Variants in PRKN observed in about 807,000 individuals in gnomAD.
The protein encoded by PRKN is E3 ubiquitin-protein ligase parkin.
In PRKN, 56 loss-of-function variants were observed where a neutral mutation model predicts 59.5. That is an observed-to-expected ratio of 0.94 (90% CI 0.76 to 1.18). The LOEUF (loss-of-function observed/expected upper bound fraction) is 1.18, where lower values mean the gene tolerates loss of function less well. PRKN is among the 50% of genes most tolerant of loss of function. The pLI is 0.00. For missense variants in PRKN, 657 were observed against 596.4 expected (o/e 1.10, Z -1.06); for synonymous variants, 250 against 222.1 (o/e 1.13, Z -1.12).
intron 3 of PRKN, among the ~76,000 whole-genome samples, chr6:162,261,488 T>A (rs1039434918): frequency 1.3e-5 from 2 of 152,202 alleles, no homozygotes; most frequent in Non-Finnish European, 2.9e-5. Context: ...GGTTGAAACG[T>A]CAGAATTGTT....
At chr6:161,803,843 TA>T (rs1218354733) in intron 6 of PRKN, among the ~76,000 whole-genome samples, 1 of 152,098 alleles carries the variant, frequency 6.6e-6, no homozygotes, top group African/African-American at 2.4e-5. Flanking sequence ...ATGCATTTCA[TA>T]AAGGAAGCAA....
intron 6 of PRKN, among the ~76,000 whole-genome samples, chr6:161,837,285 T>A (rs1464228020): frequency 6.6e-6 from 1 of 152,060 alleles, no homozygotes; most frequent in Admixed American, 6.5e-5. Flanking sequence ...CTGGGTTGAA[T>A]AAACATTGAA....
chr6:162,500,397 C>T (rs1410334298), intron 1 of PRKN, among the ~76,000 whole-genome samples: 3 of 141,030 alleles, frequency 2.1e-5, no homozygotes, highest in Admixed American at 7.2e-5. Flanking sequence ...GTCTTGAACT[C>T]CCGACCTCAG....
At chr6:162,354,384 C>G (rs986224950) in intron 2 of PRKN, among the ~76,000 whole-genome samples, 1 of 151,982 alleles carries the variant, frequency 6.6e-6, no homozygotes, top group African/African-American at 2.4e-5. Context: ...TCTTGATTAC[C>G]AATATTAAAA....
chr6:161,857,351 T>C (rs538209960), intron 6 of PRKN, among the ~76,000 whole-genome samples: 19 of 152,074 alleles, frequency 1.2e-4, no homozygotes, highest in African/African-American at 4.3e-4. Context: ...ATGAGTAGGG[T>C]TGCATTTCAA....
intron 1 of PRKN, among the ~76,000 whole-genome samples, chr6:162,688,209 T>C (rs1032732362): frequency 1.3e-5 from 2 of 152,184 alleles, no homozygotes; most frequent in African/African-American, 2.4e-5. Context: ...TAAAACATAA[T>C]GCATGATTCC....
At chr6:161,998,347 T>C (rs1054251434) in intron 5 of PRKN, among the ~76,000 whole-genome samples, 4 of 152,156 alleles carry the variant, frequency 2.6e-5, no homozygotes, top group South Asian at 2.1e-4. Context: ...CAGTAAATCA[T>C]AGTTGGCATG....
rs71004079 is a variant in PRKN at position 162,096,848 on chromosome 6, A to AT, written c.535-42675dup. Among the ~76,000 whole-genome samples the AT allele has an allele frequency of 2.1e-3, 101 of 49,206 alleles. 9 individuals are homozygous for AT. The East Asian group carries it at 0.024, about 12-fold the overall frequency. The allele number at this position is 49,206 out of a possible 152,430, so 32.3% of individuals were successfully genotyped here. ...GTGAGAATGGACTCATACAGCTGGAATTTTTTTTTTTTTTTTTTTTTTTTT... is the reference window on the plus strand; with the variant it reads ...GTGAGAATGGACTCATACAGCTGGAATTTTTTTTTTTTTTTTTTTTTTTTTT... On this transcript the variant is annotated intron_variant, in intron 4 of 11. Transcript: ENST00000366898.
In PRKN at chr6:161,377,668, G is replaced by A. The variant is rs184176839; in HGVS notation, c.1167+9126C>T. Among the ~76,000 whole-genome samples the A allele has an allele frequency of 6.6e-6, 1 of 152,254 alleles. No homozygotes were observed. The highest frequency in any genetic ancestry group is 2.4e-5 in the African/African-American group (1 of 41,548). ...CCAAGGCGGTGGGATTAGGAGGTGAGGCCTTTGCAAGGTGATTGGGTCATA... is the reference window on the plus strand; with the variant it reads ...CCAAGGCGGTGGGATTAGGAGGTGAAGCCTTTGCAAGGTGATTGGGTCATA... On this transcript the variant is annotated intron_variant, in intron 10 of 11. Coordinates refer to ENST00000366898, the MANE Select transcript of PRKN (RefSeq NM_004562.3). This position sits in a 1 kb window ranked among gnomAD's most constrained non-coding sequence, Gnocchi z 4.2.
At chr6:162,496,224 G>A (rs952143120) in intron 1 of PRKN, among the ~76,000 whole-genome samples, 7 of 151,886 alleles carry the variant, frequency 4.6e-5, no homozygotes, top group South Asian at 4.2e-4. Flanking sequence ...GCAATAGAGC[G>A]AGACTCAGTC....
chr6:162,358,177 G>C (rs1784956594), intron 2 of PRKN, among the ~76,000 whole-genome samples: 1 of 152,150 alleles, frequency 6.6e-6, no homozygotes, highest in Non-Finnish European at 1.5e-5. Context: ...GGGAGAAATA[G>C]GGAAAATCTT....
At chr6:162,081,756 G>A (rs1445418761) in intron 4 of PRKN, among the ~76,000 whole-genome samples, 1 of 152,076 alleles carries the variant, frequency 6.6e-6, no homozygotes, top group Non-Finnish European at 1.5e-5. Context: ...TTAAAGCCAG[G>A]TATTGACTTC....
At chr6:162,536,729 A>G (rs1440914760) in intron 1 of PRKN, among the ~76,000 whole-genome samples, 1 of 152,106 alleles carries the variant, frequency 6.6e-6, no homozygotes, top group African/African-American at 2.4e-5. Flanking sequence ...CATGACATTC[A>G]TATGTGGAGT....
rs377092368 is a variant in PRKN at position 161,678,614 on chromosome 6, C to G, written c.871+107158G>C. ...TGAGACAGAGTCTTGCTCTCTCACC[C>G]AGACTGGAGTGCAGCAGCACAATCT... On this transcript the variant is annotated intron_variant, in intron 7 of 11. Transcript: ENST00000366898. 1.8e-4 allele frequency among the ~76,000 whole-genome samples: 26 copies of G among 147,938 alleles called. No homozygotes were observed. In the East Asian group the frequency reaches 4.3e-3, roughly 25 times the overall value.
intron 6 of PRKN, among the ~76,000 whole-genome samples, chr6:161,902,524 G>GTCTA (rs557665439): frequency 5.2e-4 from 69 of 133,124 alleles, no homozygotes; most frequent in Middle Eastern, 4.0e-3. Flanking sequence ...ATAGACATCC[G>GTCTA]TCTATCTATC....
intron 4 of PRKN, among the ~76,000 whole-genome samples, chr6:162,108,483 T>C (rs2128301457): frequency 6.6e-6 from 1 of 152,344 alleles, no homozygotes; most frequent in South Asian, 2.1e-4. Context: ...TGTCAGTGTT[T>C]CCTACCAACC....
rs953932967 is a variant in PRKN at position 161,525,081 on chromosome 6, A to C, written c.1083+23773T>G. ...CTAAGCAAATGATATTTCATCTCTT[A>C]ATGTGAAAATAAGATTTTTGAGTTG... is the stretch of plus-strand genomic sequence containing the variant. On this transcript the variant is annotated intron_variant, in intron 9 of 11. Coordinates refer to ENST00000366898, the MANE Select transcript of PRKN (RefSeq NM_004562.3). The surrounding 1 kb of genome is among the most constrained non-coding windows in gnomAD (Gnocchi z 4.7). Among the ~76,000 whole-genome samples, 1 of 152,090 alleles carries C rather than the reference A, an allele frequency of 6.6e-6. No individual in the cohort carries two copies. Among genetic ancestry groups the C allele is most frequent in the African/African-American group, 2.4e-5 (1 of 41,412 alleles).
intron 1 of PRKN, among the ~76,000 whole-genome samples, chr6:162,522,844 AAAC>A (rs1446480314): frequency 2.0e-5 from 3 of 152,232 alleles, no homozygotes; most frequent in Non-Finnish European, 4.4e-5. Flanking sequence ...ACTTCAGACT[AAAC>A]AACAACAAAA....
intron 2 of PRKN, among the ~76,000 whole-genome samples, chr6:162,314,761 T>C (rs1176714335): frequency 6.6e-6 from 1 of 152,182 alleles, no homozygotes; most frequent in Non-Finnish European, 1.5e-5. Flanking sequence ...AGCTTTGCAC[T>C]ATTCCAGACT....
Sources: gnomAD v4.1 joint callset for allele counts (sites outside exome capture counted in the v4.1 genomes callset) on GRCh38, gnomAD v4.1.1 for gene constraint, Gnocchi (gnomAD v3.1) non-coding constraint, MANE v1.5 for transcripts, NCBI Gene and HGNC (gene_info 2026-07-23, HGNC 2026-07-21) for gene names.